The following PCDH15 variants were observed in gnomAD, a reference collection of about 807,000 sequenced individuals.
PCDH15 encodes protocadherin-15.
A neutral mutation model predicts 178.5 loss-of-function variants in PCDH15; 129 were observed. The observed-to-expected ratio is 0.72, with a 90% CI of 0.63 to 0.84. The LOEUF (loss-of-function observed/expected upper bound fraction) is 0.84, where lower values mean the gene tolerates loss of function less well. Among genes scored for constraint, PCDH15 ranks in the 40% least tolerant of loss-of-function variants. The pLI, the probability that PCDH15 is intolerant of heterozygous loss-of-function variation, is 0.00. For synonymous variants in PCDH15, 800 were observed against 732.0 expected (o/e 1.09, Z -1.50); for missense variants, 2,230 against 2,099.9 (o/e 1.06, Z -1.21).
At chr10:54,019,871 C>A (rs114785645) in intron 20 of PCDH15, among the ~76,000 whole-genome samples, 2 of 151,960 alleles carry the variant, frequency 1.3e-5, no homozygotes, top group African/African-American at 4.8e-5. Flanking sequence ...AATAATTATG[C>A]CTGATGCTGT....
chr10:55,101,536 A>G (rs1295700191), intron 2 of PCDH15, among the ~76,000 whole-genome samples: 2 of 152,024 alleles, frequency 1.3e-5, no homozygotes, highest in Non-Finnish European at 2.9e-5. Context: ...TGGATGTGGG[A>G]ATAAGTGTAT....
chr10:54,724,742 C>G (rs1942208322), intron 1 of PCDH15, among the ~76,000 whole-genome samples: 1 of 150,940 alleles, frequency 6.6e-6, no homozygotes, highest in African/African-American at 2.4e-5. Flanking sequence ...AACAAGAAAG[C>G]TATATACATA....
chr10:54,344,919 A>AC (rs1161243295), intron 6 of PCDH15, among the ~76,000 whole-genome samples: 2 of 147,876 alleles, frequency 1.4e-5, no homozygotes, highest in African/African-American at 4.9e-5. Context: ...AAAAAAAAAA[A>AC]AAAAAAACAA....
rs1166312027 is a variant in PCDH15 at position 54,480,305 on chromosome 10, A to C, written c.157+47507T>G. ...GTAATTGGATCAGTAGGAGACATTT[A>C]GTAGTTAAGAGACTTGCTTGTGCAC... On this transcript the variant is annotated intron_variant, in intron 3 of 37. Coordinates refer to ENST00000644397, the MANE Select transcript of PCDH15 (RefSeq NM_001384140.1). Among the ~76,000 whole-genome samples, 4 of 152,092 alleles carry C rather than the reference A, an allele frequency of 2.6e-5. 1 individual carries two copies. In the South Asian group the frequency reaches 8.3e-4, roughly 31 times the overall value.
chr10:54,963,492 C>T (rs1415228300), intron 2 of PCDH15, among the ~76,000 whole-genome samples: 1 of 152,120 alleles, frequency 6.6e-6, no homozygotes, highest in African/African-American at 2.4e-5. Flanking sequence ...TGTAAATTAA[C>T]CAGTGTTCAT....
chr10:54,734,827 T>C (rs1591357033), intron 1 of PCDH15, among the ~76,000 whole-genome samples: 1 of 151,788 alleles, frequency 6.6e-6, no homozygotes, highest in Non-Finnish European at 1.5e-5. Context: ...CATGATTTAA[T>C]TTACATGACA....
intron 3 of PCDH15, among the ~76,000 whole-genome samples, chr10:54,431,251 A>G (rs566380584): frequency 6.6e-6 from 1 of 152,156 alleles, no homozygotes; most frequent in Non-Finnish European, 1.5e-5. Flanking sequence ...TTCAAAACTC[A>G]TTCTATGAGG....
At chr10:55,465,825 G>A (rs1839819838) in intron 2 of PCDH15, among the ~76,000 whole-genome samples, 1 of 152,096 alleles carries the variant, frequency 6.6e-6, no homozygotes, top group African/African-American at 2.4e-5. Flanking sequence ...TTAAGTGAAA[G>A]TAAAATTAAT....
intron 2 of PCDH15, among the ~76,000 whole-genome samples, chr10:54,533,944 T>G (rs2084207815): frequency 6.6e-6 from 1 of 152,140 alleles, no homozygotes; most frequent in South Asian, 2.1e-4. Context: ...AATCCTAACT[T>G]TGGTTTTTAA....
chr10:55,405,329 A>G (rs1838173967), intron 2 of PCDH15, among the ~76,000 whole-genome samples: 1 of 110,640 alleles, frequency 9.0e-6, no homozygotes, highest in African/African-American at 3.3e-5. Context: ...GTAATTAAAG[A>G]TAATGTGTAG....
intron 25 of PCDH15, among the ~76,000 whole-genome samples, chr10:53,921,915 G>A (rs141898906): frequency 1.7e-3 from 253 of 152,106 alleles, no homozygotes; most frequent in Middle Eastern, 0.01. Context: ...AAAAGATACT[G>A]GATTTTTTCC....
intron 2 of PCDH15, among the ~76,000 whole-genome samples, chr10:54,629,668 T>C (rs575486978): frequency 2.3e-4 from 35 of 152,206 alleles, no homozygotes; most frequent in African/African-American, 8.2e-4. Flanking sequence ...GCATACCCCT[T>C]GGGAACTGGA....
chr10:53,921,388 G>T (rs1158945742), intron 25 of PCDH15, among the ~76,000 whole-genome samples: 2 of 76,840 alleles, frequency 2.6e-5, no homozygotes, highest in African/African-American at 4.0e-5. Flanking sequence ...GCCCTAATAT[G>T]ACTTTTTTTT....
rs1434557101 is a variant in PCDH15, at chr10:54,825,432, C to A, written c.-29+72018G>T. ...TCAAATGGTATTTCTAGTTCTAGAT[C>A]CCTGAGGAATCGCCACGCTGACTTC... is the stretch of plus-strand genomic sequence containing the variant. On this transcript the variant is annotated intron_variant, in intron 3 of 5. Transcript: ENST00000458638. 3.4e-5 allele frequency among the ~76,000 whole-genome samples: 5 copies of A among 147,844 alleles called. No individual in the cohort carries two copies. In the East Asian group the frequency reaches 9.8e-4, roughly 29 times the overall value.
At chr10:54,419,915 G>A (rs959332373) in intron 3 of PCDH15, among the ~76,000 whole-genome samples, 7 of 152,054 alleles carry the variant, frequency 4.6e-5, no homozygotes, top group African/African-American at 1.4e-4. Flanking sequence ...CTATTAGGAT[G>A]TAGAGAGCAG....
In PCDH15 at chr10:54,338,453, A is replaced by AT. The variant is rs5785067; in HGVS notation, c.594+7911dup. Among the ~76,000 whole-genome samples the AT allele has an allele frequency of 2.0e-5, 3 of 152,176 alleles. No homozygotes were observed. The South Asian group carries it at 6.2e-4, about 32-fold the overall frequency. ...CACACAGAACTACTTCAGGATGGTG[A>AT]TTTTTTTAAAAATCGTTTGTCCTTA... On this transcript the variant is annotated intron_variant, in intron 6 of 37. Transcript: ENST00000644397.
chr10:54,201,691 T>G (rs2050244150), intron 10 of PCDH15, among the ~76,000 whole-genome samples: 1 of 152,176 alleles, frequency 6.6e-6, no homozygotes, highest in East Asian at 1.9e-4. Context: ...TTTTAAAAAT[T>G]AAGTGATTGT....
At chr10:55,517,571 G>C (rs1251141215) in intron 2 of PCDH15, among the ~76,000 whole-genome samples, 1 of 152,048 alleles carries the variant, frequency 6.6e-6, no homozygotes, top group Non-Finnish European at 1.5e-5. Flanking sequence ...ACAAAAAGTG[G>C]CCAAATAAAG....
At chr10:55,592,943 A>G (rs536953217) in intron 2 of PCDH15, among the ~76,000 whole-genome samples, 86 of 152,248 alleles carry the variant, frequency 5.6e-4, no homozygotes, top group Non-Finnish European at 1.0e-3. Context: ...TTAAAAGTGT[A>G]AGTCAAATGC....
Sources: gnomAD v4.1 joint callset for allele counts (sites outside exome capture counted in the v4.1 genomes callset) on GRCh38, gnomAD v4.1.1 for gene constraint, MANE v1.5 for transcripts, NCBI Gene and HGNC (gene_info 2026-07-23, HGNC 2026-07-21) for gene names.